Variants in CSNK2A1 observed in about 807,000 individuals in gnomAD.
The protein encoded by CSNK2A1 is casein kinase II subunit alpha.
Under a neutral mutation model 62.9 loss-of-function variants are expected in CSNK2A1, and 10 were observed. The ratio of observed to expected loss-of-function variants is 0.16; its 90% CI spans 0.10 to 0.27. CSNK2A1 has a LOEUF of 0.27. Ranked by LOEUF, CSNK2A1 falls within the 10% of genes least tolerant of loss-of-function variation. CSNK2A1 has a pLI of 1.00. For synonymous variants in CSNK2A1, 124 were observed against 167.8 expected, an observed-to-expected ratio of 0.74 and a Z score of 2.02; for missense variants, 160 against 492.0, an observed-to-expected ratio of 0.33 and a Z score of 6.38.
chr20:487,325 G>C, intron 12 of CSNK2A1, 102 bp downstream of exon 12: 1 of 1,529,258 alleles, frequency 6.5e-7, no homozygotes, highest in Non-Finnish European at 8.9e-7. Context: ...CTCAGTGTGG[G>C]TGAATTAACT....
chr20:497,622 A>G, intron 7 of CSNK2A1, 99 bp downstream of exon 7: 2 of 1,019,518 alleles, frequency 2.0e-6, no homozygotes, highest in Non-Finnish European at 3.0e-6. Context: ...CTTTCAACAT[A>G]CTTTACAAAG....
intron 7 of CSNK2A1, 85 bp downstream of exon 7, chr20:497,636 A>G: frequency 3.4e-6 from 4 of 1,172,638 alleles, no homozygotes. Flanking sequence ...TACAAAGTTA[A>G]TCTGCTGGCT....
chr20:525,835 T>C (rs2019074136), intron 2 of CSNK2A1, among the ~76,000 whole-genome samples: 1 of 98,782 alleles, frequency 1.0e-5, no homozygotes, highest in African/African-American at 4.4e-5. Context: ...CTTAAAACTA[T>C]TAAAAAAAAA....
intron 9 of CSNK2A1, among the ~76,000 whole-genome samples, chr20:490,083 G>C (rs1167645538): frequency 6.7e-6 from 1 of 149,022 alleles, no homozygotes; most frequent in Non-Finnish European, 1.5e-5. Context: ...CCATGCTGGA[G>C]TGCAGTGGCG....
intron 2 of CSNK2A1, chr20:527,014 AG>A (rs1248440434): frequency 5.0e-5 from 7 of 141,006 alleles, no homozygotes; most frequent in Non-Finnish European, 1.1e-4. Flanking sequence ...AGAGAGAGAG[AG>A]AGAGAGAGAG....
chr20:531,885 G>C (rs1178813230), intron 1 of CSNK2A1, among the ~76,000 whole-genome samples: 1 of 152,096 alleles, frequency 6.6e-6, no homozygotes, highest in Non-Finnish European at 1.5e-5. Flanking sequence ...TTACAAAAGG[G>C]AACTTTACTT....
chr20:498,477 A>G (rs1178864229), intron 6 of CSNK2A1: 1 of 151,964 alleles, frequency 6.6e-6, no homozygotes, highest in Non-Finnish European at 1.5e-5. Flanking sequence ...AGTAGCTAGG[A>G]CTACAGGCGA....
chr20:502,571 A>G lies in CSNK2A1; in HGVS notation c.213+2547T>C, dbSNP rs536870749. On this transcript the variant is annotated intron_variant, in intron 4 of 13. Transcript: ENST00000217244. Reference sequence around the variant, plus strand: ...ATTAAAAATTTTAAATATGGTTTACAAAGGAAATTCATCTATACTTACACC... The same window carrying G: ...ATTAAAAATTTTAAATATGGTTTACGAAGGAAATTCATCTATACTTACACC... The G allele has an allele frequency of 3.9e-5, 6 of 152,338 alleles. No individual in the cohort carries two copies. In the South Asian group the frequency reaches 1.2e-3, roughly 32 times the overall value. The allele number at this position is 152,338 out of a possible 1,614,324, so 9.4% of individuals were successfully genotyped here.
chr20:523,232 G>C (rs183755217), intron 2 of CSNK2A1, among the ~76,000 whole-genome samples: 1 of 152,242 alleles, frequency 6.6e-6, no homozygotes, highest in Admixed American at 6.5e-5. Flanking sequence ...CTAGAAAACA[G>C]TTTGGCAACT....
Position 487,799 on chromosome 20 carries a change from A to G in CSNK2A1, c.825-224T>C. On this transcript the variant is annotated intron_variant, in intron 11 of 13. Transcript: ENST00000217244. ...TGAAAAAAGACATCTGAGTCCTCTCAATTTTAAGAAACATAATTCAGGTTA... is the reference window on the plus strand; with the variant it reads ...TGAAAAAAGACATCTGAGTCCTCTCGATTTTAAGAAACATAATTCAGGTTA... The G allele has an allele frequency of 5.1e-6, 3 of 592,366 alleles. No homozygotes were observed. The South Asian group carries it at 6.6e-5, about 13-fold the overall frequency. The allele number at this position is 592,366 out of a possible 1,614,324, so 36.7% of individuals were successfully genotyped here.
At chr20:490,093 G>A (rs1181714795) in intron 9 of CSNK2A1, among the ~76,000 whole-genome samples, 4 of 149,308 alleles carry the variant, frequency 2.7e-5, no homozygotes, top group South Asian at 4.2e-4. Flanking sequence ...GTGCAGTGGC[G>A]CAATCTTGGC....
At chr20:509,247 C>T (rs906805616) in intron 2 of CSNK2A1, among the ~76,000 whole-genome samples, 1 of 152,210 alleles carries the variant, frequency 6.6e-6, no homozygotes, top group Non-Finnish European at 1.5e-5. Flanking sequence ...ATTTGAAAGA[C>T]ACACTTGGTT....
intron 7 of CSNK2A1, 100 bp from the exon 8 acceptor site, chr20:495,902 C>G (rs2018338350): frequency 1.1e-6 from 1 of 916,228 alleles, no homozygotes; most frequent in African/African-American, 1.6e-5. Context: ...TCACAATACC[C>G]CTGGGATTCA....
At position 515,431 on chromosome 20, in the gene CSNK2A1, G is replaced by C. The variant is rs537910091; in HGVS notation, c.-109-6771C>G. ...GGAACTAAGAGTTTCTCAGCTTTAAGTATCTAACTCTTCCAACAACTCTAC... is the reference window on the plus strand; with the variant it reads ...GGAACTAAGAGTTTCTCAGCTTTAACTATCTAACTCTTCCAACAACTCTAC... On this transcript the variant is annotated intron_variant, in intron 2 of 13. Coordinates refer to ENST00000217244, the MANE Select transcript of CSNK2A1 (RefSeq NM_177559.3). Among the ~76,000 whole-genome samples the C allele has an allele frequency of 2.0e-5, 3 of 152,226 alleles. No individual in the cohort carries two copies. In the South Asian group the frequency reaches 6.2e-4, roughly 31 times the overall value.
intron 3 of CSNK2A1, chr20:507,270 A>T (rs1372243650): frequency 6.6e-6 from 1 of 152,174 alleles, no homozygotes; most frequent in Non-Finnish European, 1.5e-5. Context: ...CCACACACAC[A>T]CATACACAAA....
At chr20:518,199 T>C (rs576452754) in intron 2 of CSNK2A1, among the ~76,000 whole-genome samples, 1 of 152,266 alleles carries the variant, frequency 6.6e-6, no homozygotes, top group African/African-American at 2.4e-5. Flanking sequence ...AACCCAGAGA[T>C]ATAAGCAAGC....
rs1319898708 is a variant in CSNK2A1, at chr20:499,105, T to C, written c.366+150A>G. 9.8e-6 allele frequency: 5 copies of C among 509,338 alleles called. No homozygotes were observed. Among genetic ancestry groups the C allele is most frequent in the African/African-American group, 3.9e-5 (2 of 50,684 alleles). 31.6% of individuals were successfully genotyped at this position (509,338 alleles called of 1,614,324 possible). On this transcript the variant is annotated intron_variant, in intron 6 of 13. Coordinates refer to ENST00000217244, the MANE Select transcript of CSNK2A1 (RefSeq NM_177559.3). The surrounding 1 kb of genome is among the most constrained non-coding windows in gnomAD (Gnocchi z 4.2). ...AGATGCAGAAAGTGGGCACTGCTTA[T>C]ATAGGAGTTCTTCTATCTTAAAATT...
chr20:505,682 T>TTA (rs2018566389), intron 3 of CSNK2A1, among the ~76,000 whole-genome samples: 1 of 150,620 alleles, frequency 6.6e-6, no homozygotes, highest in African/African-American at 2.4e-5. Flanking sequence ...TTTTTTTTTT[T>TTA]AAATTAGGCC....
At chr20:504,152 C>G (rs2018529454) in intron 4 of CSNK2A1, 1 of 152,580 alleles carries the variant, frequency 6.6e-6, no homozygotes, top group African/African-American at 2.4e-5. Context: ...GCACTCCAGC[C>G]TGGGCGACAG....
Sources: gnomAD v4.1 joint callset for allele counts (sites outside exome capture counted in the v4.1 genomes callset) on GRCh38, gnomAD v4.1.1 for gene constraint, Gnocchi (gnomAD v3.1) non-coding constraint, MANE v1.5 for transcripts, NCBI Gene and HGNC (gene_info 2026-07-23, HGNC 2026-07-21) for gene names.